Variants in MTUS2 observed in about 807,000 individuals in gnomAD.
MTUS2 encodes the protein microtubule associated scaffold protein 2.
MTUS2 carries 40 observed loss-of-function variants against 114.1 expected under a neutral mutation model. That is an observed-to-expected ratio of 0.35 (90% confidence interval 0.27 to 0.46). The LOEUF (loss-of-function observed/expected upper bound fraction) is 0.46. Ranked by LOEUF, MTUS2 falls within the 20% of genes least tolerant of loss-of-function variation. The probability of loss-of-function intolerance (pLI) is 1.00; values close to 1 mark genes in which losing one functional copy is unlikely to be tolerated. For synonymous variants in MTUS2, 688 were observed against 672.0 expected (o/e 1.02, Z -0.37); for missense variants, 1,679 against 1,705.4 (o/e 0.98, Z 0.27).
chr13:29,235,462 T>A (rs147110336), intron 5 of MTUS2, among the ~76,000 whole-genome samples: 5 of 152,330 alleles, frequency 3.3e-5, no homozygotes, highest in African/African-American at 9.6e-5. Context: ...CTGTACCTCT[T>A]AAATAATATT....
intron 2 of MTUS2, among the ~76,000 whole-genome samples, chr13:28,906,410 C>G (rs1207311639): frequency 6.6e-6 from 1 of 151,042 alleles, no homozygotes; most frequent in Non-Finnish European, 1.5e-5. Context: ...AAATTTCCCT[C>G]TACACACTGC....
chr13:28,876,727 A>T (rs1877955885), intron 2 of MTUS2, among the ~76,000 whole-genome samples: 1 of 152,144 alleles, frequency 6.6e-6, no homozygotes, highest in South Asian at 2.1e-4. Context: ...GAGGGGAAGC[A>T]CTAGAGGAGA....
At chr13:29,207,154 G>GT (rs1895222965) in intron 5 of MTUS2, among the ~76,000 whole-genome samples, 1 of 151,778 alleles carries the variant, frequency 6.6e-6, no homozygotes, top group Non-Finnish European at 1.5e-5. Flanking sequence ...ACTCCTAAGT[G>GT]TTTTTTGTTT....
intron 5 of MTUS2, among the ~76,000 whole-genome samples, chr13:29,165,228 C>T (rs1224477416): frequency 1.3e-5 from 2 of 152,186 alleles, no homozygotes; most frequent in Non-Finnish European, 2.9e-5. Context: ...ATATTCTATT[C>T]TCACCCCAGG....
chr13:29,308,376 C>G (rs1477850706), intron 6 of MTUS2, among the ~76,000 whole-genome samples: 1 of 152,144 alleles, frequency 6.6e-6, no homozygotes, highest in Non-Finnish European at 1.5e-5. Context: ...AAAATGGACC[C>G]CTTCCTTTCA....
intron 15 of MTUS2, among the ~76,000 whole-genome samples, chr13:29,501,428 G>C (rs1337024852): frequency 6.6e-6 from 1 of 152,176 alleles, no homozygotes; most frequent in Non-Finnish European, 1.5e-5. Context: ...TGTGCAGCAG[G>C]GTCCTCCTGC....
intron 2 of MTUS2, among the ~76,000 whole-genome samples, chr13:28,929,316 A>G (rs1278064917): frequency 6.6e-6 from 1 of 152,128 alleles, no homozygotes; most frequent in East Asian, 1.9e-4. Flanking sequence ...AGAAGAGAAT[A>G]ATTTGAATGT....
chr13:29,318,011 C>T (rs1291778359), intron 6 of MTUS2, among the ~76,000 whole-genome samples: 6 of 152,150 alleles, frequency 3.9e-5, no homozygotes, highest in African/African-American at 7.2e-5. Context: ...GCTCCGTCTG[C>T]GTCTGCAATC....
intron 8 of MTUS2, among the ~76,000 whole-genome samples, chr13:29,418,714 AG>A (rs1407569497): frequency 6.6e-6 from 1 of 152,196 alleles, no homozygotes; most frequent in Non-Finnish European, 1.5e-5. Flanking sequence ...TGACTTACAT[AG>A]AAGAAGGATC....
intron 8 of MTUS2, chr13:29,428,707 G>A: frequency 7.3e-7 from 1 of 1,368,412 alleles, no homozygotes; most frequent in South Asian, 1.4e-5. Context: ...GAGAAATAAG[G>A]TAGCCAAGGG....
intron 2 of MTUS2, among the ~76,000 whole-genome samples, chr13:28,956,040 G>A (rs1307489785): frequency 6.6e-6 from 1 of 150,902 alleles, no homozygotes; most frequent in East Asian, 2.0e-4. Flanking sequence ...CATATTTGTA[G>A]TCTTCTGTCT....
chr13:29,321,499 A>G (rs550550551), intron 6 of MTUS2, among the ~76,000 whole-genome samples: 3 of 152,238 alleles, frequency 2.0e-5, no homozygotes, highest in South Asian at 4.1e-4. Flanking sequence ...CCCAGACCAT[A>G]CAAGAGTTCT....
chr13:29,300,186 A>G (rs1899135392), intron 6 of MTUS2, among the ~76,000 whole-genome samples: 1 of 152,222 alleles, frequency 6.6e-6, no homozygotes. Flanking sequence ...ACATTACAGG[A>G]CATACCTATA....
intron 5 of MTUS2, among the ~76,000 whole-genome samples, chr13:29,102,141 A>G (rs1300364119): frequency 2.6e-5 from 4 of 152,236 alleles, no homozygotes; most frequent in Non-Finnish European, 4.4e-5. Context: ...AATCTGAAAC[A>G]TGAATGTAAT....
chr13:29,022,061 A>T (rs534682245), intron 2 of MTUS2, among the ~76,000 whole-genome samples: 5 of 152,310 alleles, frequency 3.3e-5, no homozygotes, highest in African/African-American at 1.2e-4. Flanking sequence ...GCACATGCAC[A>T]TGTATGACTC....
rs1235006774 is a variant in MTUS2, at chr13:29,148,518, G to A, written c.2644+47548G>A. Among the ~76,000 whole-genome samples, 11 of 51,712 alleles carry A rather than the reference G, an allele frequency of 2.1e-4. 2 individuals are homozygous for A. The highest frequency in any genetic ancestry group is 2.7e-4 in the Non-Finnish European group (5 of 18,668). The allele number at this position is 51,712 out of a possible 152,430, so 33.9% of individuals were successfully genotyped here. A position where few individuals can be genotyped will look rare whatever the true frequency, so the allele number is the denominator to read the frequency against. ...TTTTGAGACGGAGTCTCGCTCTGTC[G>A]CCCAGGCTGGAGTGCAGTGGTGGGA... On this transcript the variant is annotated intron_variant, in intron 5 of 15. Transcript: ENST00000612955.
intron 6 of MTUS2, among the ~76,000 whole-genome samples, chr13:29,324,192 G>A (rs537872547): frequency 1.1e-4 from 16 of 152,318 alleles, no homozygotes; most frequent in African/African-American, 3.6e-4. Flanking sequence ...GGGTAATGCC[G>A]AAGTCATTAG....
intron 8 of MTUS2, among the ~76,000 whole-genome samples, chr13:29,403,843 A>G (rs1459795465): frequency 6.6e-6 from 1 of 151,932 alleles, no homozygotes; most frequent in Non-Finnish European, 1.5e-5. Context: ...CGATCCATCT[A>G]TCTCCCTACC....
At chr13:29,118,621 G>T (rs560779166) in intron 5 of MTUS2, among the ~76,000 whole-genome samples, 37 of 152,332 alleles carry the variant, frequency 2.4e-4, no homozygotes, top group African/African-American at 8.4e-4. Flanking sequence ...TGTTAGCAGT[G>T]TGTAGGTACT....
Sources: allele counts gnomAD v4.1 joint callset (sites outside exome capture counted in the v4.1 genomes callset), GRCh38; gene constraint gnomAD v4.1.1; transcripts MANE v1.5; gene names NCBI Gene and HGNC (gene_info 2026-07-23, HGNC 2026-07-21).